Variants in GRM7 observed in about 807,000 individuals in gnomAD.
The protein encoded by GRM7 is glutamate metabotropic receptor 7, also known as metabotropic glutamate receptor 7.
In GRM7, 35 loss-of-function variants were observed where a neutral mutation model predicts 84.5. The observed-to-expected ratio is 0.41, with a 90% CI of 0.32 to 0.55. GRM7 has a LOEUF of 0.55. GRM7 is among the 20% of genes least tolerant of loss of function. The pLI, the probability that GRM7 is intolerant of heterozygous loss-of-function variation, is 0.19. For synonymous variants in GRM7, 487 were observed against 455.1 expected (o/e 1.07, Z -0.89); for missense variants, 1,003 against 1,194.6 (o/e 0.84, Z 2.36).
intron 1 of GRM7, among the ~76,000 whole-genome samples, chr3:7,130,550 AAAAAG>A (rs1319447685): frequency 2.3e-5 from 1 of 43,574 alleles, no homozygotes; most frequent in Non-Finnish European, 4.7e-5. Flanking sequence ...TCTCAAAAAA[AAAAAG>A]AAAAGAAAAA....
At chr3:7,647,151 G>T (rs1489089967) in intron 8 of GRM7, among the ~76,000 whole-genome samples, 1 of 152,224 alleles carries the variant, frequency 6.6e-6, no homozygotes, top group Non-Finnish European at 1.5e-5. Flanking sequence ...GGATGTGGGT[G>T]TGGACCCTCA....
intron 1 of GRM7, among the ~76,000 whole-genome samples, chr3:7,069,594 C>A (rs1234997273): frequency 6.6e-6 from 1 of 152,008 alleles, no homozygotes; most frequent in Non-Finnish European, 1.5e-5. Context: ...AGTTTTTCTT[C>A]CAGTGGCCTC....
chr3:7,727,141 T>A (rs1702159253), intron 9 of GRM7, among the ~76,000 whole-genome samples: 1 of 152,306 alleles, frequency 6.6e-6, no homozygotes, highest in Non-Finnish European at 1.5e-5. Context: ...GCATTTTCTA[T>A]GTTGCTCCAT....
At chr3:7,389,426 G>A (rs1304589321) in intron 4 of GRM7, among the ~76,000 whole-genome samples, 1 of 152,012 alleles carries the variant, frequency 6.6e-6, no homozygotes. Flanking sequence ...TTAGTTCTCT[G>A]CTTTGATTAT....
rs1438975779 is a variant in GRM7 at position 7,741,392 on chromosome 3, T to C, written c.*986T>C. The C allele has an allele frequency of 4.6e-5, 7 of 152,750 alleles. No individual in the cohort carries two copies. Among genetic ancestry groups the C allele is most frequent in the African/African-American group, 1.7e-4 (7 of 41,586 alleles). 9.5% of individuals were successfully genotyped at this position (152,750 alleles called of 1,614,324 possible). On this transcript the variant is annotated 3_prime_UTR_variant, in exon 10 of 10. Coordinates refer to ENST00000357716, the MANE Select transcript of GRM7 (RefSeq NM_000844.4). ...TATGTTTTTTACTGTTTGTAATAAG[T>C]ACTTTCGTTAATCTTGCTGCTTATG... is the stretch of plus-strand genomic sequence containing the variant.
intron 5 of GRM7, among the ~76,000 whole-genome samples, chr3:7,430,690 G>A (rs1021594987): frequency 5.9e-5 from 9 of 152,134 alleles, no homozygotes; most frequent in Admixed American, 4.6e-4. Flanking sequence ...AGCCCAGTTG[G>A]GGGGACAGTC....
chr3:6,876,622 G>A (rs1462533488), intron 1 of GRM7, among the ~76,000 whole-genome samples: 3 of 92,680 alleles, frequency 3.2e-5, no homozygotes, highest in East Asian at 2.9e-4. Flanking sequence ...TTTTTTTTGA[G>A]AAGGTGTCTC....
chr3:7,023,201 G>C (rs1176317920), intron 1 of GRM7, among the ~76,000 whole-genome samples: 3 of 152,124 alleles, frequency 2.0e-5, no homozygotes, highest in Non-Finnish European at 2.9e-5. Context: ...ACTAACCCTA[G>C]TCTCTTCTCT....
At chr3:7,272,292 C>G (rs1262522335) in intron 2 of GRM7, among the ~76,000 whole-genome samples, 1 of 152,074 alleles carries the variant, frequency 6.6e-6, no homozygotes, top group East Asian at 1.9e-4. Flanking sequence ...TCATTTTCCA[C>G]AAGAGTAACT....
chr3:7,126,094 C>T (rs1693389805), intron 1 of GRM7, among the ~76,000 whole-genome samples: 1 of 152,114 alleles, frequency 6.6e-6, no homozygotes, highest in Non-Finnish European at 1.5e-5. Context: ...GCCTGGGAGC[C>T]AGGGAAAATC....
chr3:7,691,179 A>G (rs545757346), intron 9 of GRM7: 6 of 738,750 alleles, frequency 8.1e-6, no homozygotes, highest in Middle Eastern at 5.5e-4. Flanking sequence ...TTAGTTTTCA[A>G]TTCCCTTTAT....
chr3:7,680,634 T>A (rs575581682), intron 9 of GRM7: 1 of 265,704 alleles, frequency 3.8e-6, no homozygotes, highest in African/African-American at 2.2e-5. Flanking sequence ...AGGCAACAAC[T>A]TTTTGTCAGG....
intron 4 of GRM7, among the ~76,000 whole-genome samples, chr3:7,394,260 A>C (rs1047216875): frequency 6.6e-6 from 1 of 152,108 alleles, no homozygotes; most frequent in Non-Finnish European, 1.5e-5. Context: ...CTATAAATCC[A>C]CCTACTCAGA....
chr3:7,497,052 T>A (rs1259537440), intron 7 of GRM7, among the ~76,000 whole-genome samples: 2 of 131,922 alleles, frequency 1.5e-5, no homozygotes, highest in African/African-American at 5.2e-5. Context: ...CCTTGCTTTG[T>A]CCACTTAAGA....
chr3:7,686,314 C>T, intron 9 of GRM7: 1 of 807,880 alleles, frequency 1.2e-6, no homozygotes, highest in Non-Finnish European at 2.2e-6. Context: ...ATATTGTGTG[C>T]ACATTTATTT....
intron 8 of GRM7, among the ~76,000 whole-genome samples, chr3:7,664,852 T>C (rs1290942296): frequency 7.0e-6 from 1 of 142,814 alleles, no homozygotes; most frequent in Non-Finnish European, 1.5e-5. Flanking sequence ...TCCTGCTTTA[T>C]GGCTGGTTTT....
At chr3:6,919,743 G>T (rs1446875161) in intron 1 of GRM7, among the ~76,000 whole-genome samples, 1 of 152,030 alleles carries the variant, frequency 6.6e-6, no homozygotes, top group Non-Finnish European at 1.5e-5. Context: ...TATGGATAAA[G>T]ATAACTATCG....
At chr3:7,095,340 C>G (rs960963305) in intron 1 of GRM7, among the ~76,000 whole-genome samples, 1 of 152,068 alleles carries the variant, frequency 6.6e-6, no homozygotes, top group African/African-American at 2.4e-5. Context: ...CTTGATACTT[C>G]CTACTTTCTT....
chr3:7,226,348 T>G (rs1696980286), intron 2 of GRM7, among the ~76,000 whole-genome samples: 1 of 152,076 alleles, frequency 6.6e-6, no homozygotes, highest in Non-Finnish European at 1.5e-5. Context: ...CTGGCAAAAT[T>G]TATTTCCTTG....
Sources: allele counts gnomAD v4.1 joint callset (sites outside exome capture counted in the v4.1 genomes callset), GRCh38; gene constraint gnomAD v4.1.1; transcripts MANE v1.5; gene names NCBI Gene and HGNC (gene_info 2026-07-23, HGNC 2026-07-21).